The following MYOCD variants were observed in gnomAD, a reference collection of about 807,000 sequenced individuals.
MYOCD encodes the protein myocardin.
MYOCD carries 32 observed loss-of-function variants against 96.1 expected under a neutral mutation model. That is an observed-to-expected ratio of 0.33 (90% CI 0.25 to 0.45). MYOCD has a LOEUF of 0.45. Ranked by LOEUF, MYOCD falls within the 20% of genes least tolerant of loss-of-function variation. MYOCD has a pLI of 1.00. For synonymous variants in MYOCD, 469 were observed against 469.0 expected, an observed-to-expected ratio of 1.00 and a Z score of 0.00; for missense variants, 1,133 against 1,200.6, an observed-to-expected ratio of 0.94 and a Z score of 0.83.
chr17:12,729,657 A>T (rs1458193657), intron 5 of MYOCD, among the ~76,000 whole-genome samples: 2 of 151,766 alleles, frequency 1.3e-5, no homozygotes, highest in South Asian at 2.1e-4. Flanking sequence ...TGCTCACTGC[A>T]ACCTCCCAGG....
chr17:12,740,047 T>A (rs888781939), intron 7 of MYOCD, among the ~76,000 whole-genome samples: 3 of 152,148 alleles, frequency 2.0e-5, no homozygotes, highest in African/African-American at 7.2e-5. Context: ...GTGATTCTCC[T>A]GCCTCAGCCT....
rs533344153 is a variant in MYOCD at position 12,744,479 on chromosome 17, G to C, written c.971+43G>C. 153 of 1,557,350 alleles carry C rather than the reference G, an allele frequency of 9.8e-5. 3 individuals are homozygous for C. In the South Asian group the frequency reaches 1.8e-3, roughly 18 times the overall value. On this transcript the variant is annotated intron_variant, in intron 8 of 13. Coordinates refer to ENST00000425538, the MANE Select transcript of MYOCD (RefSeq NM_001146312.3). ...GGGAGGGTGGCTGTGGGCAGAGGTTGGGAAGGGTGTCTATTAATATCTATC... is the reference window on the plus strand; with the variant it reads ...GGGAGGGTGGCTGTGGGCAGAGGTTCGGAAGGGTGTCTATTAATATCTATC...
At chr17:12,734,555 G>A (rs899389453) in intron 5 of MYOCD, among the ~76,000 whole-genome samples, 2 of 126,040 alleles carry the variant, frequency 1.6e-5, no homozygotes, top group African/African-American at 6.1e-5. Flanking sequence ...CTGTCGCCCG[G>A]GCTAGAGTTC....
chr17:12,758,341 A>C (rs2033072401), intron 12 of MYOCD, 128 bp downstream of exon 12: 1 of 1,363,278 alleles, frequency 7.3e-7, no homozygotes, highest in Admixed American at 2.1e-5. Flanking sequence ...TACCACCAAA[A>C]TAAGCAAATT....
intron 1 of MYOCD, among the ~76,000 whole-genome samples, chr17:12,698,294 C>T (rs912646321): frequency 3.3e-5 from 5 of 152,072 alleles, no homozygotes; most frequent in Non-Finnish European, 5.9e-5. Flanking sequence ...CAGAGACTTC[C>T]GAAAATCTGA....
intron 2 of MYOCD, among the ~76,000 whole-genome samples, chr17:12,714,213 A>AGTGG (rs1258794234): frequency 6.6e-6 from 1 of 151,866 alleles, no homozygotes; most frequent in African/African-American, 2.4e-5. Context: ...ATGGCCAACT[A>AGTGG]CCATTATGGT....
At chr17:12,681,132 G>C (rs958607354) in intron 1 of MYOCD, among the ~76,000 whole-genome samples, 2 of 152,184 alleles carry the variant, frequency 1.3e-5, no homozygotes, top group African/African-American at 4.8e-5. Context: ...TGGATTCTAA[G>C]TCCATGCTTG....
At chr17:12,673,172 T>G (rs1413115730) in intron 1 of MYOCD, among the ~76,000 whole-genome samples, 1 of 152,144 alleles carries the variant, frequency 6.6e-6, no homozygotes. Context: ...GGTTTTTCAG[T>G]CCTAGGTAAA....
chr17:12,752,614 G>C lies in MYOCD; in HGVS notation c.1326G>C (p.Leu442=). The change falls in exon 10 of 14, where the codon CTG becomes CTC. Residue 442 remains leucine (L), a synonymous_variant. Transcript: ENST00000425538. ...NYQSSSSTSA[L]SNGFYHFGST... ...AGTCTTCCTCTTCTACCAGTGCCCT[G>C]TCCAACGGCTTCTACCACTTTGGCA... 1 of 1,614,108 alleles carries C rather than the reference G, an allele frequency of 6.2e-7. No individual in the cohort carries two copies. The highest frequency in any genetic ancestry group is 8.5e-7 in the Non-Finnish European group (1 of 1,180,018).
Position 12,753,205 on chromosome 17 carries a change from G to A in MYOCD, c.1917G>A (p.Pro639=), listed in dbSNP as rs563372096. ...LSPQCSPQHS[P]LGAVKSPQHI... ...CCCAGTGTTCCCCTCAGCATTCACC[G>A]CTGGGGGCTGTGAAAAGCCCACAGC... is the stretch of plus-strand genomic sequence containing the variant. The change falls in exon 10 of 14, where the codon CCG becomes CCA. Residue 639 remains proline (P), a synonymous_variant. Coordinates refer to ENST00000425538, the MANE Select transcript of MYOCD (RefSeq NM_001146312.3). 7.4e-5 allele frequency: 119 copies of A among 1,613,992 alleles called. 1 individual carries two copies. Among genetic ancestry groups the A allele is most frequent in the East Asian group, 6.0e-4 (27 of 44,856 alleles).
Position 12,752,831 on chromosome 17 carries a change from T to C in MYOCD, c.1543T>C (p.Ser515Pro), listed in dbSNP as rs746089376. 1.9e-6 allele frequency: 3 copies of C among 1,613,882 alleles called. No homozygotes were observed. The highest frequency in any genetic ancestry group is 2.2e-5 in the South Asian group (2 of 91,052). Residue 515 changes from serine to proline, a missense_variant, in exon 10 of 14, where the codon TCC becomes CCC. Physicochemically the swap from Ser to Pro is moderately conservative, Grantham distance 74. Transcript: ENST00000425538. ...SVPSELDGLD[S>P]EKDKMLVEKQ... The stretch of plus-strand genomic sequence containing the variant: ...TCCTTCTGAGCTGGATGGGCTGGAC[T>C]CCGAGAAGGACAAGATGCTGGTGGA...
chr17:12,763,506 G>A lies in MYOCD; in HGVS notation c.2823G>A (p.Leu941=). 6.2e-7 allele frequency: 1 copy of A among 1,614,178 alleles called. No individual in the cohort carries two copies. The change falls in exon 14 of 14, where the codon CTG becomes CTA. Residue 941 remains leucine (L), a synonymous_variant. Coordinates refer to ENST00000425538, the MANE Select transcript of MYOCD (RefSeq NM_001146312.3). ...CTCCCTGGGAAACCATGGAGTGGCT[G>A]GACCTCACTCCGCCAAATTCCACAC... ...TESPWETMEW[L]DLTPPNSTPG...
In MYOCD at chr17:12,765,393, T is replaced by C. The variant is rs1365516673; in HGVS notation, c.*1749T>C. ...TGTTGGGATTTTAGAAGCTCTCTTT[T>C]TGATAAACCAAAGATTTAGAAGTCA... On this transcript the variant is annotated 3_prime_UTR_variant, in exon 14 of 14. Transcript: ENST00000425538. 6.6e-6 allele frequency: 1 copy of C among 152,186 alleles called. No individual in the cohort carries two copies. The highest frequency in any genetic ancestry group is 1.5e-5 in the Non-Finnish European group (1 of 68,032). 9.4% of individuals were successfully genotyped at this position (152,186 alleles called of 1,614,324 possible).
intron 12 of MYOCD, among the ~76,000 whole-genome samples, chr17:12,759,125 C>T (rs756137772): frequency 1.5e-4 from 23 of 152,102 alleles, no homozygotes; most frequent in Non-Finnish European, 2.9e-4. Context: ...ATAAGGTATT[C>T]GATAGCCCTT....
intron 5 of MYOCD, 123 bp downstream of exon 5, chr17:12,723,131 G>A: frequency 1.1e-6 from 1 of 912,744 alleles, no homozygotes; most frequent in East Asian, 2.5e-5. Flanking sequence ...CATACCATGG[G>A]TTGTTAGTCC....
In MYOCD at chr17:12,673,808, T is replaced by C. The variant is rs1449225985; in HGVS notation, c.55+7565T>C. 2.0e-5 allele frequency among the ~76,000 whole-genome samples: 3 copies of C among 152,218 alleles called. No individual in the cohort carries two copies. In the East Asian group the frequency reaches 5.8e-4, roughly 29 times the overall value. On this transcript the variant is annotated intron_variant, in intron 1 of 13. Coordinates refer to ENST00000425538, the MANE Select transcript of MYOCD (RefSeq NM_001146312.3). ...AATGTAACAAACTTAACTTTAGGCC[T>C]ATTTCTATTTGGCGATGAATGCTTG...
At chr17:12,671,110 C>T (rs537947671) in intron 1 of MYOCD, among the ~76,000 whole-genome samples, 113 of 152,270 alleles carry the variant, frequency 7.4e-4, no homozygotes, top group Admixed American at 5.8e-3. Context: ...TTGTCCATAA[C>T]GGCAGAAATT....
chr17:12,687,349 G>A (rs377147503), intron 1 of MYOCD, among the ~76,000 whole-genome samples: 1 of 152,146 alleles, frequency 6.6e-6, no homozygotes, highest in African/African-American at 2.4e-5. Flanking sequence ...AAAAAGACAT[G>A]TGGGTTTACT....
intron 5 of MYOCD, among the ~76,000 whole-genome samples, chr17:12,725,422 T>G (rs906937336): frequency 1.3e-5 from 2 of 148,704 alleles, no homozygotes; most frequent in Non-Finnish European, 3.0e-5. Context: ...TTATATAAAT[T>G]ATATATTATA....
Sources: allele counts gnomAD v4.1 joint callset (sites outside exome capture counted in the v4.1 genomes callset), GRCh38; gene constraint gnomAD v4.1.1; transcripts MANE v1.5; gene names NCBI Gene and HGNC (gene_info 2026-07-23, HGNC 2026-07-21).